SHC4: variants seen among roughly 807,000 people sequenced by gnomAD.
SHC4 encodes the protein SHC adaptor protein 4.
Under a neutral mutation model 69.4 loss-of-function variants are expected in SHC4, and 41 were observed. The observed-to-expected ratio is 0.59, with a 90% CI of 0.46 to 0.77. The LOEUF (loss-of-function observed/expected upper bound fraction) is 0.77, where lower values mean the gene tolerates loss of function less well. Among genes scored for constraint, SHC4 ranks in the 30% least tolerant of loss-of-function variants. The pLI, the probability that SHC4 is intolerant of heterozygous loss-of-function variation, is 0.00. For synonymous variants in SHC4, 318 were observed against 299.3 expected (o/e 1.06, Z -0.64); for missense variants, 777 against 783.8 (o/e 0.99, Z 0.10).
intron 8 of SHC4, among the ~76,000 whole-genome samples, chr15:48,854,528 C>T (rs374768689): frequency 2.6e-5 from 4 of 152,108 alleles, no homozygotes; most frequent in East Asian, 1.9e-4. Context: ...CTATGTTCAT[C>T]GCAGCACTAT....
chr15:48,859,850 C>T (rs1275208231), intron 6 of SHC4, among the ~76,000 whole-genome samples: 1 of 152,146 alleles, frequency 6.6e-6, no homozygotes, highest in African/African-American at 2.4e-5. Context: ...GGAGATGTAT[C>T]CTCCAGTTGA....
chr15:48,953,487 C>T (rs1037054214), intron 1 of SHC4, among the ~76,000 whole-genome samples: 2 of 152,152 alleles, frequency 1.3e-5, no homozygotes, highest in Non-Finnish European at 2.9e-5. Context: ...CATTTCAATA[C>T]TGATGCTTGC....
intron 1 of SHC4, among the ~76,000 whole-genome samples, chr15:48,930,341 C>G (rs1900939182): frequency 1.3e-5 from 2 of 151,990 alleles, no homozygotes; most frequent in Non-Finnish European, 2.9e-5. Context: ...CTATAAGAAC[C>G]ACAGTTTTAT....
chr15:48,900,768 G>A (rs1394356089), intron 2 of SHC4, among the ~76,000 whole-genome samples: 1 of 152,114 alleles, frequency 6.6e-6, no homozygotes, highest in Non-Finnish European at 1.5e-5. Flanking sequence ...AGAATTTTAC[G>A]AAGTTCTGAA....
intron 10 of SHC4, among the ~76,000 whole-genome samples, chr15:48,837,467 C>T (rs1328608037): frequency 6.6e-6 from 1 of 152,160 alleles, no homozygotes; most frequent in Non-Finnish European, 1.5e-5. Context: ...CCGCTCTTAA[C>T]ACTGTGGTAC....
At chr15:48,900,993 G>A (rs533052729) in intron 2 of SHC4, among the ~76,000 whole-genome samples, 1 of 152,250 alleles carries the variant, frequency 6.6e-6, no homozygotes, top group Non-Finnish European at 1.5e-5. Context: ...CAATTCTGCT[G>A]TTGTAGCTAG....
chr15:48,916,942 C>T lies in SHC4; in HGVS notation c.656+7937G>A, dbSNP rs551218627. 3.3e-5 allele frequency among the ~76,000 whole-genome samples: 5 copies of T among 152,250 alleles called. No individual in the cohort carries two copies. In the East Asian group the frequency reaches 7.7e-4, roughly 23 times the overall value. On this transcript the variant is annotated intron_variant, in intron 2 of 11. Transcript: ENST00000332408. ...GGTCCCTTCTGCCAATGGTGTGCTC[C>T]GCCCCTCGGGGTGAATTATGTACTG...
At chr15:48,847,759 T>C (rs1397822678) in intron 9 of SHC4, among the ~76,000 whole-genome samples, 1 of 151,878 alleles carries the variant, frequency 6.6e-6, no homozygotes, top group East Asian at 1.9e-4. Context: ...TCCCAGCACT[T>C]TGGGAGGCCA....
chr15:48,937,355 G>A (rs184874334), intron 1 of SHC4, among the ~76,000 whole-genome samples: 14 of 152,154 alleles, frequency 9.2e-5, no homozygotes, highest in African/African-American at 2.6e-4. Flanking sequence ...GAGCCACCAC[G>A]CCTGGCCCTG....
intron 6 of SHC4, among the ~76,000 whole-genome samples, chr15:48,863,193 A>G (rs1899481889): frequency 6.6e-6 from 1 of 152,056 alleles, no homozygotes; most frequent in Non-Finnish European, 1.5e-5. Flanking sequence ...TTAGAAAACA[A>G]AAAGGCACCA....
chr15:48,873,498 C>T (rs985529486), intron 4 of SHC4, among the ~76,000 whole-genome samples: 1 of 152,118 alleles, frequency 6.6e-6, no homozygotes, highest in Non-Finnish European at 1.5e-5. Context: ...TAATCCCAAC[C>T]CTTTGGGAGG....
intron 1 of SHC4, among the ~76,000 whole-genome samples, chr15:48,936,131 AT>A (rs1901066170): frequency 6.6e-6 from 1 of 152,130 alleles, no homozygotes; most frequent in Non-Finnish European, 1.5e-5. Context: ...CTCCAAATAT[AT>A]TTTGGTTGAT....
At chr15:48,886,722 A>C (rs146281087) in intron 3 of SHC4, among the ~76,000 whole-genome samples, 2 of 152,362 alleles carry the variant, frequency 1.3e-5, no homozygotes, top group African/African-American at 4.8e-5. Context: ...TATACAGCGA[A>C]GTGCTAACAA....
intron 2 of SHC4, among the ~76,000 whole-genome samples, chr15:48,893,536 C>T (rs149008899): frequency 1.2e-3 from 177 of 152,190 alleles, no homozygotes; most frequent in African/African-American, 4.0e-3. Context: ...GCCCATGGGC[C>T]ATAGTTTGTT....
At chr15:48,931,265 T>C (rs1396184208) in intron 1 of SHC4, among the ~76,000 whole-genome samples, 1 of 152,240 alleles carries the variant, frequency 6.6e-6, no homozygotes, top group Non-Finnish European at 1.5e-5. Context: ...TCCTAGGTTC[T>C]ACTCTAGTCT....
At chr15:48,929,653 C>G (rs12440342) in intron 1 of SHC4, among the ~76,000 whole-genome samples, 1 of 152,150 alleles carries the variant, frequency 6.6e-6, no homozygotes, top group Non-Finnish European at 1.5e-5. Context: ...AGTGTCGAGA[C>G]GGGGGACCAC....
intron 1 of SHC4, among the ~76,000 whole-genome samples, chr15:48,949,381 A>C (rs966118574): frequency 1.3e-5 from 2 of 152,026 alleles, no homozygotes; most frequent in African/African-American, 4.8e-5. Context: ...AAAAAAAAAA[A>C]AAAAAACCTT....
chr15:48,927,934 A>G (rs777775620), intron 1 of SHC4, among the ~76,000 whole-genome samples: 1 of 152,170 alleles, frequency 6.6e-6, no homozygotes, highest in Admixed American at 6.6e-5. Context: ...CCACCATAAG[A>G]TTAAAGATCA....
chr15:48,844,059 T>A (rs1899043236), intron 9 of SHC4, among the ~76,000 whole-genome samples: 1 of 152,224 alleles, frequency 6.6e-6, no homozygotes, highest in Non-Finnish European at 1.5e-5. Flanking sequence ...TAAATTAATT[T>A]ATAAATAAAA....
Sources: allele counts gnomAD v4.1 joint callset (sites outside exome capture counted in the v4.1 genomes callset), GRCh38; gene constraint gnomAD v4.1.1; transcripts MANE v1.5; gene names NCBI Gene and HGNC (gene_info 2026-07-23, HGNC 2026-07-21).